ZZZ3: variants seen among roughly 807,000 people sequenced by gnomAD.
ZZZ3 encodes the protein zinc finger ZZ-type containing 3.
Under a neutral mutation model 95.2 loss-of-function variants are expected in ZZZ3, and 22 were observed. The ratio of observed to expected loss-of-function variants is 0.23; its 90% CI spans 0.17 to 0.33. ZZZ3 has a LOEUF of 0.33. Ranked by LOEUF, ZZZ3 falls within the 10% of genes least tolerant of loss-of-function variation. The pLI is 1.00. For missense variants in ZZZ3, 885 were observed against 1,066.5 expected (o/e 0.83, Z 2.37); for synonymous variants, 335 against 358.9 (o/e 0.93, Z 0.75).
In ZZZ3 at chr1:77,586,472, T is replaced by C. The variant is rs368205006; in HGVS notation, c.1506-1817A>G. ...GAAAAAGGTGCTACAGTCAATTACA[T>C]TGGCAGCCGTCTTTTTGTTAGGTTT... On this transcript the variant is annotated intron_variant, in intron 5 of 14. Transcript: ENST00000370801. Among the ~76,000 whole-genome samples, 17 of 152,332 alleles carry C rather than the reference T, an allele frequency of 1.1e-4. 2 individuals carry two copies. The highest frequency in any genetic ancestry group is 4.1e-4 in the African/African-American group (17 of 41,580).
chr1:77,566,894 C>G (rs1660882499), intron 13 of ZZZ3, among the ~76,000 whole-genome samples: 1 of 152,158 alleles, frequency 6.6e-6, no homozygotes, highest in African/African-American at 2.4e-5. Context: ...ATCTGGTCAA[C>G]TATAGTGGCT....
intron 1 of ZZZ3, among the ~76,000 whole-genome samples, chr1:77,671,007 T>TG (rs1294915523): frequency 7.7e-5 from 11 of 142,858 alleles, no homozygotes; most frequent in Non-Finnish European, 1.4e-4. Context: ...ACTGTTTTTT[T>TG]GGGGGGGTGG....
chr1:77,659,985 A>C (rs1325759906), intron 1 of ZZZ3, among the ~76,000 whole-genome samples: 2 of 152,000 alleles, frequency 1.3e-5, no homozygotes, highest in African/African-American at 2.4e-5. Flanking sequence ...GGGGCTTGCC[A>C]CCACACCCAG....
intron 1 of ZZZ3, among the ~76,000 whole-genome samples, chr1:77,672,366 T>C (rs1671863904): frequency 6.6e-6 from 1 of 152,218 alleles, no homozygotes; most frequent in Non-Finnish European, 1.5e-5. Flanking sequence ...AAATCTGCAT[T>C]TGTAAAATTC....
intron 5 of ZZZ3, among the ~76,000 whole-genome samples, chr1:77,605,897 C>A (rs933905189): frequency 1.3e-5 from 2 of 152,096 alleles, no homozygotes; most frequent in Non-Finnish European, 2.9e-5. Flanking sequence ...TCAGGTGAGA[C>A]CTAGCACATT....
At chr1:77,594,248 A>T (rs1663999481) in intron 5 of ZZZ3, among the ~76,000 whole-genome samples, 1 of 152,172 alleles carries the variant, frequency 6.6e-6, no homozygotes, top group South Asian at 2.1e-4. Context: ...CTTTTCTCTC[A>T]CAAAAGTCAC....
At chr1:77,614,725 T>G (rs756273964) in intron 5 of ZZZ3, 13 of 152,194 alleles carry the variant, frequency 8.5e-5, no homozygotes, top group Non-Finnish European at 1.6e-4. Context: ...TAGATAAATT[T>G]CTTGTTCTAA....
intron 1 of ZZZ3, among the ~76,000 whole-genome samples, chr1:77,664,965 T>A (rs1041026336): frequency 2.0e-5 from 3 of 152,314 alleles, no homozygotes; most frequent in African/African-American, 7.2e-5. Context: ...CTGTTTCTAG[T>A]CTTCTGGCAT....
At chr1:77,660,347 C>G (rs1279477710) in intron 1 of ZZZ3, among the ~76,000 whole-genome samples, 1 of 152,258 alleles carries the variant, frequency 6.6e-6, no homozygotes, top group East Asian at 1.9e-4. Context: ...TTTTGTAAAA[C>G]TGAAACTCTA....
At chr1:77,639,771 T>C (rs1668602808) in intron 3 of ZZZ3, among the ~76,000 whole-genome samples, 169 bp from the exon 4 acceptor site, 1 of 152,006 alleles carries the variant, frequency 6.6e-6, no homozygotes, top group African/African-American at 2.4e-5. Context: ...GAAACTGAAA[T>C]AGGATTTTTA....
chr1:77,683,235 C>A (rs1672976742), upstream of ZZZ3: 1 of 148,110 alleles, frequency 6.8e-6, no homozygotes, highest in South Asian at 2.2e-4. Flanking sequence ...GTCTGGCCCT[C>A]ACCACGTGTC....
At chr1:77,591,847 A>T (rs1293345302) in intron 5 of ZZZ3, among the ~76,000 whole-genome samples, 1 of 152,372 alleles carries the variant, frequency 6.6e-6, no homozygotes, top group South Asian at 2.1e-4. Flanking sequence ...TGGACAAATC[A>T]GCAAGATACT....
At chr1:77,635,535 A>T (rs1241088814) in intron 4 of ZZZ3, among the ~76,000 whole-genome samples, 1 of 152,232 alleles carries the variant, frequency 6.6e-6, no homozygotes, top group African/African-American at 2.4e-5. Flanking sequence ...TTTCATGGGT[A>T]ACAAACACTG....
At chr1:77,626,448 T>C (rs2100816846) in intron 5 of ZZZ3, among the ~76,000 whole-genome samples, 1 of 152,270 alleles carries the variant, frequency 6.6e-6, no homozygotes, top group East Asian at 1.9e-4. Context: ...CTGGGGGTGA[T>C]AAGAGACAGT....
chr1:77,615,875 C>T (rs940602627), intron 5 of ZZZ3, among the ~76,000 whole-genome samples: 2 of 152,084 alleles, frequency 1.3e-5, no homozygotes, highest in African/African-American at 4.8e-5. Flanking sequence ...ACCTTACAGG[C>T]ATATGCTACC....
At chr1:77,594,378 G>A (rs1352510258) in intron 5 of ZZZ3, among the ~76,000 whole-genome samples, 1 of 152,030 alleles carries the variant, frequency 6.6e-6, no homozygotes, top group Non-Finnish European at 1.5e-5. Flanking sequence ...TATCCCTTTA[G>A]TTCTTAAAAT....
chr1:77,667,189 T>A (rs1052789929), intron 1 of ZZZ3, among the ~76,000 whole-genome samples: 26 of 152,206 alleles, frequency 1.7e-4, no homozygotes, highest in Admixed American at 7.2e-4. Flanking sequence ...CTCAATATTA[T>A]TTTAGAAAAG....
At chr1:77,580,060 A>T (rs1005886833) in intron 9 of ZZZ3, 2 of 152,880 alleles carry the variant, frequency 1.3e-5, no homozygotes, top group Non-Finnish European at 2.9e-5. Context: ...CTATTAAAAG[A>T]GGCTTTTCCT....
At chr1:77,641,744 T>C (rs1424219581) in intron 1 of ZZZ3, 89 bp from the exon 2 acceptor site, 3 of 392,096 alleles carry the variant, frequency 7.7e-6, no homozygotes, top group Non-Finnish European at 1.3e-5. Flanking sequence ...CAAACACTTA[T>C]ATAGCACACT....
Sources: allele counts gnomAD v4.1 joint callset (sites outside exome capture counted in the v4.1 genomes callset), GRCh38; gene constraint gnomAD v4.1.1; transcripts MANE v1.5; gene names NCBI Gene and HGNC (gene_info 2026-07-23, HGNC 2026-07-21).